The following IQCM variants were observed in gnomAD, a reference collection of about 807,000 sequenced individuals.
IQCM encodes the protein IQ motif containing M, also known as IQ domain-containing protein M.
A neutral mutation model predicts 57.6 loss-of-function variants in IQCM; 45 were observed. That is an observed-to-expected ratio of 0.78 (90% CI 0.62 to 1.00). The LOEUF (loss-of-function observed/expected upper bound fraction) is 1.00, where lower values mean the gene tolerates loss of function less well. IQCM is among the 50% of genes least tolerant of loss of function. IQCM has a pLI of 0.00. For synonymous variants in IQCM, 148 were observed against 158.9 expected, an observed-to-expected ratio of 0.93 and a Z score of 0.51; for missense variants, 468 against 511.6, an observed-to-expected ratio of 0.91 and a Z score of 0.82.
At chr4:149,593,750 G>A (rs1753461022) in intron 8 of IQCM, among the ~76,000 whole-genome samples, 1 of 152,046 alleles carries the variant, frequency 6.6e-6, no homozygotes. Context: ...TTTATAGGAT[G>A]GATTATGTTT....
At chr4:149,414,819 A>T (rs1733630091) in intron 13 of IQCM, among the ~76,000 whole-genome samples, 1 of 152,108 alleles carries the variant, frequency 6.6e-6, no homozygotes, top group Non-Finnish European at 1.5e-5. Context: ...TCTCAAATAT[A>T]AAATTTAATA....
intron 5 of IQCM, among the ~76,000 whole-genome samples, chr4:149,725,079 CA>C (rs1365996880): frequency 6.6e-6 from 1 of 152,096 alleles, no homozygotes; most frequent in Admixed American, 6.6e-5. Context: ...CATGTATTTA[CA>C]GGCAAGCACA....
chr4:149,360,133 G>T (rs577760487), intron 13 of IQCM, among the ~76,000 whole-genome samples: 2 of 152,094 alleles, frequency 1.3e-5, no homozygotes, highest in East Asian at 3.9e-4. Context: ...TCAACATAAA[G>T]CAAAATACAG....
At chr4:149,698,101 C>A (rs1763474327) in intron 5 of IQCM, among the ~76,000 whole-genome samples, 1 of 151,872 alleles carries the variant, frequency 6.6e-6, no homozygotes, top group South Asian at 2.1e-4. Flanking sequence ...CTTTGTACTT[C>A]ATTATATAGA....
chr4:149,490,106 G>T (rs1402536292), intron 12 of IQCM, among the ~76,000 whole-genome samples: 1 of 151,890 alleles, frequency 6.6e-6, no homozygotes, highest in Non-Finnish European at 1.5e-5. Context: ...ACTATAATAG[G>T]TTGGAGAAAT....
intron 12 of IQCM, among the ~76,000 whole-genome samples, chr4:149,470,097 T>C (rs1024208137): frequency 6.6e-6 from 1 of 152,176 alleles, no homozygotes; most frequent in Non-Finnish European, 1.5e-5. Flanking sequence ...AACATCATAA[T>C]GACAGGATCA....
At chr4:149,518,926 G>A (rs1252405252) in intron 12 of IQCM, among the ~76,000 whole-genome samples, 2 of 152,152 alleles carry the variant, frequency 1.3e-5, no homozygotes, top group East Asian at 3.8e-4. Context: ...AGGTAAAAAG[G>A]AAACAAAGAG....
intron 12 of IQCM, among the ~76,000 whole-genome samples, chr4:149,481,723 G>GTTTTTTTTTTTT (rs1740903527): frequency 1.1e-4 from 1 of 9,340 alleles, no homozygotes; most frequent in African/African-American, 3.2e-4. Context: ...TTTTTTTTTT[G>GTTTTTTTTTTTT]CTTTTTGCTT....
At chr4:149,533,845 G>C (rs1747004855) in intron 12 of IQCM, among the ~76,000 whole-genome samples, 1 of 152,000 alleles carries the variant, frequency 6.6e-6, no homozygotes, top group Admixed American at 6.6e-5. Context: ...TGGGGACACA[G>C]CCAAACCACA....
At chr4:149,748,374 A>G (rs1396336918) in intron 2 of IQCM, among the ~76,000 whole-genome samples, 1 of 152,244 alleles carries the variant, frequency 6.6e-6, no homozygotes, top group Non-Finnish European at 1.5e-5. Context: ...TTCCCAGCTT[A>G]CATGAAATAT....
chr4:149,813,981 G>A (rs1774825860), intron 2 of IQCM, among the ~76,000 whole-genome samples: 1 of 152,024 alleles, frequency 6.6e-6, no homozygotes, highest in African/African-American at 2.4e-5. Context: ...TTCATTATGA[G>A]CATGCTGTAA....
chr4:149,577,023 C>T (rs1751723900), intron 9 of IQCM, among the ~76,000 whole-genome samples: 2 of 151,914 alleles, frequency 1.3e-5, no homozygotes, highest in Admixed American at 1.3e-4. Context: ...TCATTGGCCA[C>T]ATATATGTCT....
intron 2 of IQCM, among the ~76,000 whole-genome samples, chr4:149,744,488 T>C (rs1238550417): frequency 1.3e-5 from 2 of 152,162 alleles, no homozygotes; most frequent in Admixed American, 6.5e-5. Flanking sequence ...GCCAGGAGTG[T>C]CAGCCTGCAT....
chr4:149,710,507 C>T (rs1764479431), intron 5 of IQCM, among the ~76,000 whole-genome samples: 2 of 152,034 alleles, frequency 1.3e-5, no homozygotes, highest in African/African-American at 4.8e-5. Flanking sequence ...GCAATCCATG[C>T]CCATATTCTT....
intron 12 of IQCM, among the ~76,000 whole-genome samples, chr4:149,469,425 A>G (rs1275530559): frequency 6.6e-6 from 1 of 152,222 alleles, no homozygotes; most frequent in Admixed American, 6.5e-5. Flanking sequence ...GTTTAGAGAA[A>G]AAAGAATAAA....
chr4:149,537,991 G>A (rs1249604146), intron 12 of IQCM, among the ~76,000 whole-genome samples: 1 of 151,142 alleles, frequency 6.6e-6, no homozygotes, highest in African/African-American at 2.4e-5. Context: ...GAGAAATAAT[G>A]AAGAGCAAAG....
At chr4:149,641,419 C>A (rs1284989496) in intron 7 of IQCM, among the ~76,000 whole-genome samples, 1 of 151,924 alleles carries the variant, frequency 6.6e-6, no homozygotes, top group African/African-American at 2.4e-5. Context: ...AAATTAATGT[C>A]CTACAAATTA....
chr4:149,586,523 A>G (rs560565741), intron 9 of IQCM, among the ~76,000 whole-genome samples: 36 of 151,788 alleles, frequency 2.4e-4, no homozygotes, highest in African/African-American at 7.9e-4. Context: ...TAAAAAGAGC[A>G]CATAAATTTT....
chr4:149,446,542 G>A (rs1035004476), intron 12 of IQCM, among the ~76,000 whole-genome samples: 2 of 151,606 alleles, frequency 1.3e-5, no homozygotes, highest in Admixed American at 6.6e-5. Flanking sequence ...AATTATTACA[G>A]CAAACTAAAA....
Sources: allele counts gnomAD v4.1 joint callset (sites outside exome capture counted in the v4.1 genomes callset), GRCh38; gene constraint gnomAD v4.1.1; transcripts MANE v1.5; gene names NCBI Gene and HGNC (gene_info 2026-07-23, HGNC 2026-07-21).